DLG2: variants seen among roughly 807,000 people sequenced by gnomAD.
DLG2 encodes the protein disks large homolog 2.
In DLG2, 45 loss-of-function variants were observed where a neutral mutation model predicts 132.5. That is an observed-to-expected ratio of 0.34 (90% CI 0.27 to 0.44). DLG2 has a LOEUF of 0.44. DLG2 is among the 20% of genes least tolerant of loss of function. The pLI, the probability that DLG2 is intolerant of heterozygous loss-of-function variation, is 1.00. For missense variants in DLG2, 1,045 were observed against 1,196.9 expected, an observed-to-expected ratio of 0.87 and a Z score of 1.87; for synonymous variants, 424 against 419.6, an observed-to-expected ratio of 1.01 and a Z score of -0.13.
rs572776636 is a variant in DLG2, at chr11:84,665,624, C to T, written c.358-130893G>A. On this transcript the variant is annotated intron_variant, in intron 6 of 27. Coordinates refer to ENST00000376104, the MANE Select transcript of DLG2 (RefSeq NM_001142699.3). ...CTAATTGCTTCTCATTCACCCCACC[C>T]CACTTCTTGAAGACGGTTGCTTCTT... Among the ~76,000 whole-genome samples the T allele has an allele frequency of 5.4e-4, 82 of 152,268 alleles. 2 individuals are homozygous for T. Among genetic ancestry groups the T allele is most frequent in the African/African-American group, 1.8e-3 (75 of 41,568 alleles).
At position 85,425,640 on chromosome 11, in the gene DLG2, A is replaced by C. The variant is rs180764819; in HGVS notation, c.41-140275T>G. Among the ~76,000 whole-genome samples the C allele has an allele frequency of 2.9e-3, 438 of 152,270 alleles. 7 individuals carry two copies. The highest frequency in any genetic ancestry group is 0.01 in the Middle Eastern group (3 of 294). On this transcript the variant is annotated intron_variant, in intron 3 of 27. Coordinates refer to ENST00000376104, the MANE Select transcript of DLG2 (RefSeq NM_001142699.3). Reference sequence around the variant, plus strand: ...CGTACACCAAAAAATAATTCTAAACAAGAAAAAAATCGGGGGTGGAGGCAA... The same window carrying C: ...CGTACACCAAAAAATAATTCTAAACCAGAAAAAAATCGGGGGTGGAGGCAA...
chr11:83,846,300 G>A (rs2058595256), intron 16 of DLG2, among the ~76,000 whole-genome samples: 2 of 152,190 alleles, frequency 1.3e-5, no homozygotes, highest in South Asian at 2.1e-4. Flanking sequence ...CTAGAAGACT[G>A]AGGCAGACTG....
At chr11:84,470,759 A>G (rs922854454) in intron 7 of DLG2, among the ~76,000 whole-genome samples, 39 of 151,860 alleles carry the variant, frequency 2.6e-4, no homozygotes, top group Non-Finnish European at 4.4e-5. Flanking sequence ...GAAGTGATAA[A>G]AAAAGGTAGA....
At chr11:84,042,123 T>C (rs1405570814) in intron 11 of DLG2, among the ~76,000 whole-genome samples, 1 of 151,936 alleles carries the variant, frequency 6.6e-6, no homozygotes, top group Admixed American at 6.6e-5. Context: ...AGATGTAGGT[T>C]GTGAAAAAGG....
At chr11:85,227,839 C>A (rs2075065891) in intron 4 of DLG2, among the ~76,000 whole-genome samples, 2 of 152,122 alleles carry the variant, frequency 1.3e-5, no homozygotes, top group South Asian at 4.1e-4. Flanking sequence ...TCTAGCCACA[C>A]TCTTCTCCTA....
chr11:84,969,959 T>C (rs73369639), intron 6 of DLG2, among the ~76,000 whole-genome samples: 1 of 151,434 alleles, frequency 6.6e-6, no homozygotes, highest in Admixed American at 6.6e-5. Flanking sequence ...TAAGTGGGAG[T>C]TGAACGATGA....
chr11:85,403,356 G>A (rs1597003562), intron 3 of DLG2, among the ~76,000 whole-genome samples: 1 of 152,070 alleles, frequency 6.6e-6, no homozygotes, highest in African/African-American at 2.4e-5. Context: ...TGGGGGCTGG[G>A]GGAGGGATAG....
At chr11:85,198,087 T>G (rs983308316) in intron 4 of DLG2, among the ~76,000 whole-genome samples, 5 of 151,888 alleles carry the variant, frequency 3.3e-5, no homozygotes, top group Non-Finnish European at 5.9e-5. Context: ...AGCCAACACC[T>G]AAGACAGTCT....
chr11:84,495,899 C>G (rs1332750226), intron 7 of DLG2, among the ~76,000 whole-genome samples: 1 of 152,130 alleles, frequency 6.6e-6, no homozygotes, highest in Non-Finnish European at 1.5e-5. Flanking sequence ...CATGTTGATT[C>G]CACTGAACCA....
At chr11:84,971,993 T>A (rs1404754593) in intron 6 of DLG2, among the ~76,000 whole-genome samples, 1 of 152,086 alleles carries the variant, frequency 6.6e-6, no homozygotes, top group Non-Finnish European at 1.5e-5. Context: ...ACACTAAAAA[T>A]AAACCTATGT....
At chr11:83,476,069 C>T (rs2092592486) in intron 22 of DLG2, among the ~76,000 whole-genome samples, 3 of 151,990 alleles carry the variant, frequency 2.0e-5, no homozygotes, top group South Asian at 2.1e-4. Context: ...AGCAAATTGC[C>T]ATTCTTTAGG....
chr11:83,670,038 T>C (rs1302116687), intron 18 of DLG2, among the ~76,000 whole-genome samples: 2 of 152,230 alleles, frequency 1.3e-5, no homozygotes, highest in African/African-American at 2.4e-5. Flanking sequence ...AGAGCAGTGA[T>C]GTATACTGTG....
intron 15 of DLG2, among the ~76,000 whole-genome samples, chr11:83,891,407 G>C (rs2069820380): frequency 6.6e-6 from 1 of 152,204 alleles, no homozygotes; most frequent in Non-Finnish European, 1.5e-5. Flanking sequence ...CCCTAAACAT[G>C]AAACAGGGAG....
chr11:84,056,688 T>C (rs775502140), intron 11 of DLG2, among the ~76,000 whole-genome samples: 31 of 152,170 alleles, frequency 2.0e-4, no homozygotes, highest in Non-Finnish European at 3.7e-4. Context: ...AGAGTTAGTG[T>C]AAAATCCAGT....
At chr11:85,095,612 A>C (rs1224745651) in intron 6 of DLG2, among the ~76,000 whole-genome samples, 1 of 152,106 alleles carries the variant, frequency 6.6e-6, no homozygotes, top group African/African-American at 2.4e-5. Context: ...ATCCCTCTTC[A>C]CAGGCCAATT....
intron 6 of DLG2, among the ~76,000 whole-genome samples, chr11:85,016,552 T>A (rs2059593749): frequency 1.3e-5 from 2 of 152,134 alleles, no homozygotes; most frequent in Admixed American, 6.6e-5. Context: ...AAATCCCAGA[T>A]AAATACTGCA....
intron 11 of DLG2, among the ~76,000 whole-genome samples, chr11:84,047,827 A>C (rs1018342891): frequency 6.6e-6 from 1 of 151,622 alleles, no homozygotes; most frequent in Non-Finnish European, 1.5e-5. Flanking sequence ...ATTAATTTCC[A>C]AAAAGATTTA....
chr11:84,646,579 A>G (rs2099675212), intron 6 of DLG2, among the ~76,000 whole-genome samples: 1 of 152,154 alleles, frequency 6.6e-6, no homozygotes, highest in Non-Finnish European at 1.5e-5. Context: ...TCTGACAGAA[A>G]TAACCAGAAT....
chr11:84,685,045 C>T (rs570953025), intron 6 of DLG2, among the ~76,000 whole-genome samples: 38 of 152,294 alleles, frequency 2.5e-4, no homozygotes, highest in South Asian at 1.0e-3. Context: ...TCACAACAAC[C>T]TCTTAAGGGA....
Sources: allele counts gnomAD v4.1 joint callset (sites outside exome capture counted in the v4.1 genomes callset), GRCh38; gene constraint gnomAD v4.1.1; transcripts MANE v1.5; gene names NCBI Gene and HGNC (gene_info 2026-07-23, HGNC 2026-07-21).